The following MATN2 variants were observed in gnomAD, a reference collection of about 807,000 sequenced individuals.
MATN2 encodes the protein matrilin-2.
In MATN2, 69 loss-of-function variants were observed where a neutral mutation model predicts 103.2. The observed-to-expected ratio is 0.67, with a 90% CI of 0.55 to 0.82. MATN2 has a LOEUF of 0.82. Ranked by LOEUF, MATN2 falls within the 40% of genes least tolerant of loss-of-function variation. MATN2 has a pLI of 0.00. For synonymous variants in MATN2, 429 were observed against 450.2 expected (o/e 0.95, Z 0.60); for missense variants, 1,023 against 1,211.5 (o/e 0.84, Z 2.31).
intron 5 of MATN2, among the ~76,000 whole-genome samples, chr8:97,964,889 C>T (rs137975177): frequency 4.6e-5 from 7 of 152,158 alleles, no homozygotes; most frequent in South Asian, 2.1e-4. Flanking sequence ...GCATACCACA[C>T]GTCTGGCTAA....
chr8:97,913,405 C>T (rs1001865446), intron 2 of MATN2, among the ~76,000 whole-genome samples: 4 of 151,372 alleles, frequency 2.6e-5, no homozygotes, highest in Non-Finnish European at 5.9e-5. Flanking sequence ...GCCTCTGCCT[C>T]CCGGGTTCAA....
intron 18 of MATN2, chr8:98,034,064 G>A (rs768495270): frequency 2.4e-6 from 1 of 423,092 alleles, no homozygotes; most frequent in African/African-American, 2.1e-5. Context: ...TTCAAACTCA[G>A]TACTCCAAAC....
chr8:98,011,641 C>T (rs564056388), intron 10 of MATN2, among the ~76,000 whole-genome samples: 10 of 152,310 alleles, frequency 6.6e-5, no homozygotes, highest in Admixed American at 3.9e-4. Flanking sequence ...AGTTTTATTA[C>T]GAGAAAAGCC....
chr8:97,952,749 G>T (rs890800095), intron 4 of MATN2, among the ~76,000 whole-genome samples: 6 of 152,044 alleles, frequency 3.9e-5, no homozygotes, highest in African/African-American at 1.4e-4. Context: ...ACATGCTAAT[G>T]GTAGCTCCCT....
chr8:97,936,424 G>A (rs1810369715), intron 3 of MATN2, among the ~76,000 whole-genome samples: 1 of 151,984 alleles, frequency 6.6e-6, no homozygotes, highest in Non-Finnish European at 1.5e-5. Context: ...TCATGAACTG[G>A]CCTGGGCAGT....
At chr8:97,901,210 A>G (rs1818969396) in intron 2 of MATN2, among the ~76,000 whole-genome samples, 1 of 152,064 alleles carries the variant, frequency 6.6e-6, no homozygotes, top group Non-Finnish European at 1.5e-5. Flanking sequence ...CATCAATTTT[A>G]TGGAGCTTTT....
At chr8:98,006,600 G>A (rs569278287) in intron 8 of MATN2, among the ~76,000 whole-genome samples, 12 of 152,314 alleles carry the variant, frequency 7.9e-5, no homozygotes, top group Middle Eastern at 3.4e-3. Flanking sequence ...TTAGCTGTGT[G>A]GCTTTGATCT....
intron 2 of MATN2, among the ~76,000 whole-genome samples, chr8:97,911,992 T>TG (rs1809460600): frequency 2.0e-5 from 3 of 152,186 alleles, no homozygotes; most frequent in Admixed American, 2.0e-4. Flanking sequence ...GTCCCCATCT[T>TG]GCGGAAGAGG....
At chr8:97,901,779 T>A (rs1430275061) in intron 2 of MATN2, among the ~76,000 whole-genome samples, 1 of 152,164 alleles carries the variant, frequency 6.6e-6, no homozygotes, top group Admixed American at 6.5e-5. Flanking sequence ...AAATAAGTCC[T>A]TAAAGAGATG....
At chr8:97,895,989 A>G (rs547876775) in intron 2 of MATN2, among the ~76,000 whole-genome samples, 36 of 152,232 alleles carry the variant, frequency 2.4e-4, no homozygotes, top group African/African-American at 8.4e-4. Context: ...TGAATGTACT[A>G]TTTTAGCCCC....
chr8:98,025,707 T>C (rs1227603599), intron 13 of MATN2: 2 of 422,522 alleles, frequency 4.7e-6, no homozygotes, highest in Admixed American at 2.7e-5. Context: ...GATCGCGCCA[T>C]TGTACTCCAG....
At chr8:97,992,745 C>CAA (rs58985201) in intron 6 of MATN2, among the ~76,000 whole-genome samples, 6,850 of 49,178 alleles carry the variant, frequency 0.14, 581 homozygotes, top group Non-Finnish European at 0.2. Context: ...GACTCCATCT[C>CAA]AAAAAAAAAA....
chr8:97,900,582 C>T (rs1188737930), intron 2 of MATN2, among the ~76,000 whole-genome samples: 1 of 152,194 alleles, frequency 6.6e-6, no homozygotes, highest in Non-Finnish European at 1.5e-5. Context: ...CTTAATCCCC[C>T]AGCCCTGACA....
chr8:98,030,220 G>A (rs557943547), intron 14 of MATN2, among the ~76,000 whole-genome samples: 152 of 152,280 alleles, frequency 1.0e-3, no homozygotes, highest in Middle Eastern at 3.4e-3. Context: ...GCCCAGGGCT[G>A]AGCAACAGGT....
intron 4 of MATN2, among the ~76,000 whole-genome samples, chr8:97,943,938 C>T (rs1451385379): frequency 6.6e-6 from 1 of 152,212 alleles, no homozygotes; most frequent in African/African-American, 2.4e-5. Context: ...AAGGCCTTCC[C>T]CCACACAGCA....
At chr8:97,997,065 C>A (rs995180333) in intron 7 of MATN2, among the ~76,000 whole-genome samples, 5 of 152,208 alleles carry the variant, frequency 3.3e-5, no homozygotes, top group Admixed American at 1.3e-4. Flanking sequence ...GTGCTATCAT[C>A]AGTTTAAGGC....
At chr8:97,975,732 C>A (rs188756120) in intron 5 of MATN2, among the ~76,000 whole-genome samples, 75 of 152,236 alleles carry the variant, frequency 4.9e-4, no homozygotes, top group African/African-American at 1.8e-3. Context: ...GTGAATCAAG[C>A]CCAGCATGAG....
chr8:98,012,835 T>G (rs1563725949), intron 10 of MATN2, among the ~76,000 whole-genome samples: 1 of 152,110 alleles, frequency 6.6e-6, no homozygotes, highest in East Asian at 1.9e-4. Context: ...CCTCTGAAGG[T>G]TCAGGGACAT....
chr8:97,930,683 C>A, intron 2 of MATN2: 1 of 338,576 alleles, frequency 3.0e-6, no homozygotes, highest in Non-Finnish European at 5.4e-6. Flanking sequence ...AGTTCAATGG[C>A]ACTCTCTTGG....
Sources: allele counts gnomAD v4.1 joint callset (sites outside exome capture counted in the v4.1 genomes callset), GRCh38; gene constraint gnomAD v4.1.1; transcripts MANE v1.5; gene names NCBI Gene and HGNC (gene_info 2026-07-23, HGNC 2026-07-21).